Variants in SPG7 observed in about 807,000 individuals in gnomAD.
SPG7 encodes the protein mitochondrial inner membrane m-AAA protease component paraplegin.
Under a neutral mutation model 81.9 loss-of-function variants are expected in SPG7, and 103 were observed. That is an observed-to-expected ratio of 1.26 (90% CI 1.07 to 1.48). The LOEUF (loss-of-function observed/expected upper bound fraction) is 1.48. SPG7 is among the 40% of genes most tolerant of loss of function. SPG7 has a pLI of 0.00. For missense variants in SPG7, 1,241 were observed against 1,087.3 expected (o/e 1.14, Z -1.99); for synonymous variants, 534 against 444.2 (o/e 1.20, Z -2.54).
intron 3 of SPG7, 55 bp from the exon 4 acceptor site, chr16:89,523,951 C>T (rs569156686): frequency 6.2e-7 from 1 of 1,602,810 alleles, no homozygotes; most frequent in African/African-American, 1.3e-5. Context: ...CTGGATGTCG[C>T]CCGTGTCTGT....
At chr16:89,515,331 C>T (rs974405794) in intron 3 of SPG7, among the ~76,000 whole-genome samples, 18 of 150,838 alleles carry the variant, frequency 1.2e-4, no homozygotes, top group African/African-American at 2.9e-4. Context: ...TCCAGTGGTG[C>T]GATGTCGGCT....
In SPG7 at chr16:89,557,048, C is replaced by T. The variant is rs1481309639; in HGVS notation, c.2343C>T (p.Thr781=). Residue 781 remains threonine, a synonymous_variant, in exon 17 of 17, where the codon ACC becomes ACT. Transcript: ENST00000645818. ...TGGGCGAGGAGGAGACCGAAGAGACCCAGCAGCCTCCACTTGGAGGCGAAG... is the reference window on the plus strand; with the variant it reads ...TGGGCGAGGAGGAGACCGAAGAGACTCAGCAGCCTCCACTTGGAGGCGAAG... ...QDLGEEETEE[T]QQPPLGGEEP... 1.2e-6 allele frequency: 2 copies of T among 1,612,276 alleles called. No homozygotes were observed. The highest frequency in any genetic ancestry group is 2.7e-5 in the African/African-American group (2 of 74,870).
intron 13 of SPG7, chr16:89,551,699 G>A (rs2058635607): frequency 6.6e-6 from 1 of 152,344 alleles, no homozygotes; most frequent in Non-Finnish European, 1.5e-5. Context: ...GACCAGCCTG[G>A]CCAACCTGGT....
Position 89,531,913 on chromosome 16 carries a change from C to G in SPG7, c.997C>G (p.Arg333Gly). ...EFVDYLKSPE[R>G]FLQLGAKVPK... ...GTCTGCTGCCGTCCAGAGCCCAGAA[C>G]GCTTCCTCCAGCTTGGCGCCAAGGT... The change falls in exon 8 of 17, where the codon CGC becomes GGC. Residue 333 changes from arginine to glycine, a missense_variant. Arg to Gly is a moderately radical substitution (Grantham distance 125). Coordinates refer to ENST00000645818, the MANE Select transcript of SPG7 (RefSeq NM_003119.4). The G allele has an allele frequency of 6.2e-7, 1 of 1,614,098 alleles. No individual in the cohort carries two copies. The highest frequency in any genetic ancestry group is 1.1e-5 in the South Asian group (1 of 91,082).
intron 9 of SPG7, among the ~76,000 whole-genome samples, chr16:89,535,731 G>T (rs1259544285): frequency 6.6e-6 from 1 of 152,230 alleles, no homozygotes; most frequent in East Asian, 1.9e-4. Flanking sequence ...GAGCTGCCCT[G>T]TACCTCAAGC....
chr16:89,530,595 CGGCTCAGGTGCGTGGGCTGAGCGCT>C, intron 6 of SPG7, 63 bp from the exon 7 acceptor site: 1 of 1,500,120 alleles, frequency 6.7e-7, no homozygotes, highest in Non-Finnish European at 9.3e-7. Flanking sequence ...GGGGTTGGGG[CGGCTCAGGTGCGTGGGCTGAGCGCT>C]GGCATCGTGC....
At chr16:89,554,664 G>A in intron 16 of SPG7, 101 bp downstream of exon 16, 2 of 786,724 alleles carry the variant, frequency 2.5e-6, no homozygotes, top group Non-Finnish European at 4.3e-6. Context: ...GGCACACAGA[G>A]TACAGAGAAC....
chr16:89,532,962 A>G, intron 9 of SPG7: 1 of 378,344 alleles, frequency 2.6e-6, no homozygotes, highest in Non-Finnish European at 5.1e-6. Context: ...AGGTGCTTAT[A>G]ATCGCTAGTA....
intron 9 of SPG7, among the ~76,000 whole-genome samples, chr16:89,535,024 C>G (rs1349601949): frequency 1.3e-5 from 2 of 152,252 alleles, no homozygotes; most frequent in African/African-American, 4.8e-5. Context: ...GTGGGCTTCA[C>G]TGTTCCTCAG....
At chr16:89,556,851 T>G in intron 16 of SPG7, 36 bp from the exon 17 acceptor site, 2 of 1,518,670 alleles carry the variant, frequency 1.3e-6, no homozygotes, top group Non-Finnish European at 1.8e-6. Context: ...CTGTCTGCCC[T>G]GGGGACTCAC....
chr16:89,531,799 C>T (rs1304113129), intron 7 of SPG7, 105 bp from the exon 8 acceptor site: 42 of 1,120,592 alleles, frequency 3.7e-5, no homozygotes, highest in Non-Finnish European at 5.4e-5. Flanking sequence ...GCTATCATGG[C>T]ACCCACTGCA....
intron 9 of SPG7, among the ~76,000 whole-genome samples, chr16:89,534,926 G>C (rs749724116): frequency 6.6e-6 from 1 of 152,176 alleles, no homozygotes; most frequent in African/African-American, 2.4e-5. Flanking sequence ...TTTTGAGACA[G>C]GGTCTTGCTG....
chr16:89,532,809 C>A, intron 9 of SPG7, 173 bp downstream of exon 9: 1 of 775,944 alleles, frequency 1.3e-6, no homozygotes, highest in Non-Finnish European at 2.1e-6. Flanking sequence ...TCAGACCCGG[C>A]GCAGTGGCTC....
At position 89,508,540 on chromosome 16, in the gene SPG7, G is replaced by T; in HGVS notation, c.123G>T (p.Arg41=). Residue 41 remains arginine (R), a synonymous_variant, in exon 1 of 17, where the codon CGG becomes CGT. Transcript: ENST00000645818. The part of the protein sequence containing the change: ...PGFPARPGRG[R]PYMASRPPGD... ...TCCCCGCCAGGCCCGGGAGGGGGCG[G>T]CCGTACATGGCCAGCAGGCCTCCGG... is the stretch of plus-strand genomic sequence containing the variant. 6.6e-7 allele frequency: 1 copy of T among 1,510,252 alleles called. No individual in the cohort carries two copies. The highest frequency in any genetic ancestry group is 1.4e-5 in the African/African-American group (1 of 69,234). 93.6% of individuals were successfully genotyped at this position (1,510,252 alleles called of 1,614,324 possible).
At chr16:89,545,463 T>C (rs2058550913) in intron 10 of SPG7, 1 of 191,524 alleles carries the variant, frequency 5.2e-6, no homozygotes, top group Non-Finnish European at 1.1e-5. Context: ...GCTCAGTCTC[T>C]GTTGGGATGG....
At position 89,525,584 on chromosome 16, in the gene SPG7, G is replaced by A. The variant is rs555316924; in HGVS notation, c.619-745G>A. Among the ~76,000 whole-genome samples the A allele has an allele frequency of 1.6e-4, 25 of 152,252 alleles. No homozygotes were observed. In the South Asian group the frequency reaches 2.3e-3, roughly 14 times the overall value. On this transcript the variant is annotated intron_variant, in intron 4 of 16. Transcript: ENST00000645818. ...ACCTCAAAGAGAGTCCCGCAAGTCCGTCTGTGTCCTCCCTTTGGGGTGTTG... is the reference window on the plus strand; with the variant it reads ...ACCTCAAAGAGAGTCCCGCAAGTCCATCTGTGTCCTCCCTTTGGGGTGTTG...
At chr16:89,519,122 T>G (rs997684970) in intron 3 of SPG7, 6 of 151,706 alleles carry the variant, frequency 4.0e-5, no homozygotes, top group African/African-American at 1.5e-4. Context: ...TAGCTGGGAT[T>G]ACAGGCGCGT....
At chr16:89,547,608 T>C in intron 11 of SPG7, 1 of 274,536 alleles carries the variant, frequency 3.6e-6, no homozygotes, top group Non-Finnish European at 7.1e-6. Context: ...GTTCTTCCTT[T>C]TATTTATTTA....
At position 89,546,705 on chromosome 16, in the gene SPG7, C is replaced by G. The variant is rs759766389; in HGVS notation, c.1497C>G (p.Thr499=). ...AGCACCTGAAGAGCCTGAAGCTGAC[C>G]CAGTCCAGCACCTTTTACTCCCAGC... is the stretch of plus-strand genomic sequence containing the variant. ...FEQHLKSLKL[T]QSSTFYSQRL... is the part of the protein sequence containing the mutation. Residue 499 remains threonine, a synonymous_variant, in exon 11 of 17, where the codon ACC becomes ACG. Coordinates refer to ENST00000645818, the MANE Select transcript of SPG7 (RefSeq NM_003119.4). The G allele has an allele frequency of 1.2e-6, 2 of 1,613,848 alleles. No individual in the cohort carries two copies. Among genetic ancestry groups the G allele is most frequent in the Non-Finnish European group, 8.5e-7 (1 of 1,179,814 alleles).
Sources: gnomAD v4.1 joint callset for allele counts (sites outside exome capture counted in the v4.1 genomes callset) on GRCh38, gnomAD v4.1.1 for gene constraint, MANE v1.5 for transcripts, NCBI Gene and HGNC (gene_info 2026-07-23, HGNC 2026-07-21) for gene names.